The following VPS54 variants were observed in gnomAD, a reference collection of about 807,000 sequenced individuals.
VPS54 encodes the protein vacuolar protein sorting-associated protein 54.
A neutral mutation model predicts 121.5 loss-of-function variants in VPS54; 45 were observed. The observed-to-expected ratio is 0.37, with a 90% confidence interval of 0.29 to 0.47. VPS54 has a LOEUF of 0.47. Ranked by LOEUF, VPS54 falls within the 20% of genes least tolerant of loss-of-function variation. VPS54 has a pLI of 0.99. For synonymous variants in VPS54, 371 were observed against 385.8 expected, an observed-to-expected ratio of 0.96 and a Z score of 0.45; for missense variants, 1,090 against 1,131.4, an observed-to-expected ratio of 0.96 and a Z score of 0.52.
intron 7 of VPS54, among the ~76,000 whole-genome samples, chr2:63,956,870 T>C (rs1361107104): frequency 2.0e-5 from 3 of 152,168 alleles, no homozygotes; most frequent in Admixed American, 6.5e-5. Context: ...TAAGAGTTTC[T>C]ACACAAAGCT....
chr2:63,925,976 C>T lies in VPS54; in HGVS notation c.1740-4641G>A, dbSNP rs186567055. On this transcript the variant is annotated intron_variant, in intron 12 of 22. Transcript: ENST00000272322. ...CATTTTCCCATATGTGCCTTATGTT[C>T]CAAATGGATCATAAAAGGGCTGAGA... Among the ~76,000 whole-genome samples, 177 of 152,204 alleles carry T rather than the reference C, an allele frequency of 1.2e-3. 1 individual carries two copies. Among genetic ancestry groups the T allele is most frequent in the African/African-American group, 3.0e-3 (124 of 41,542 alleles).
intron 1 of VPS54, among the ~76,000 whole-genome samples, chr2:63,987,024 C>G (rs1469096434): frequency 6.6e-6 from 1 of 152,098 alleles, no homozygotes; most frequent in African/African-American, 2.4e-5. Flanking sequence ...TGTGGGATGT[C>G]TCCTCACTTT....
At chr2:63,967,648 G>A (rs1307590335) in intron 5 of VPS54, among the ~76,000 whole-genome samples, 1 of 143,936 alleles carries the variant, frequency 6.9e-6, no homozygotes, top group Non-Finnish European at 1.5e-5. Flanking sequence ...GAACCTGGGA[G>A]GCGGAGGTTG....
intron 1 of VPS54, among the ~76,000 whole-genome samples, chr2:63,989,013 G>A (rs918901573): frequency 3.3e-5 from 5 of 152,150 alleles, no homozygotes; most frequent in Non-Finnish European, 5.9e-5. Flanking sequence ...GGGAAGGGGG[G>A]CCTCTAAAAT....
chr2:63,949,817 G>T (rs1675155726), intron 7 of VPS54, among the ~76,000 whole-genome samples: 1 of 152,088 alleles, frequency 6.6e-6, no homozygotes, highest in African/African-American at 2.4e-5. Context: ...AAAAATGTTT[G>T]TTTCTATATG....
chr2:63,924,943 G>C (rs1251921806), intron 12 of VPS54, among the ~76,000 whole-genome samples: 1 of 152,122 alleles, frequency 6.6e-6, no homozygotes. Flanking sequence ...ATGTGAAAAA[G>C]ACAGTAACAA....
intron 1 of VPS54, among the ~76,000 whole-genome samples, chr2:64,007,210 G>A (rs917566359): frequency 1.3e-5 from 2 of 152,104 alleles, no homozygotes; most frequent in Non-Finnish European, 2.9e-5. Context: ...AAAGAATATT[G>A]GAAAGTGATA....
chr2:63,896,505 AAAG>A (rs1188405144), intron 22 of VPS54, among the ~76,000 whole-genome samples: 1 of 152,214 alleles, frequency 6.6e-6, no homozygotes, highest in Middle Eastern at 3.2e-3. Flanking sequence ...TTAAAAAGAA[AAAG>A]AAGAATCAGA....
At chr2:63,941,491 T>C (rs1674729745) in intron 11 of VPS54, among the ~76,000 whole-genome samples, 2 of 152,206 alleles carry the variant, frequency 1.3e-5, no homozygotes, top group African/African-American at 2.4e-5. Context: ...CCTCCCAAAG[T>C]GATAGGATTA....
intron 12 of VPS54, among the ~76,000 whole-genome samples, chr2:63,931,845 G>C (rs1674219295): frequency 6.6e-6 from 1 of 152,172 alleles, no homozygotes; most frequent in Non-Finnish European, 1.5e-5. Context: ...AGTGGGCAAA[G>C]GATATGAACA....
intron 7 of VPS54, among the ~76,000 whole-genome samples, chr2:63,957,342 T>C (rs1366264177): frequency 6.7e-6 from 1 of 149,406 alleles, no homozygotes; most frequent in East Asian, 2.0e-4. Context: ...CTCAGGAGGC[T>C]GAGGCAGAAG....
chr2:64,015,786 T>C (rs1401623369), intron 1 of VPS54, among the ~76,000 whole-genome samples: 1 of 152,198 alleles, frequency 6.6e-6, no homozygotes, highest in East Asian at 1.9e-4. Flanking sequence ...ATTAATAGTA[T>C]AAGAAGATAT....
At chr2:63,956,462 T>C (rs941139527) in intron 7 of VPS54, among the ~76,000 whole-genome samples, 2 of 152,212 alleles carry the variant, frequency 1.3e-5, no homozygotes, top group African/African-American at 4.8e-5. Context: ...TCCATTAATA[T>C]GGTAGTTCCT....
Position 63,977,868 on chromosome 2 carries a change from C to T in VPS54, c.378+3778G>A, listed in dbSNP as rs1167575646. Among the ~76,000 whole-genome samples the T allele has an allele frequency of 3.9e-5, 6 of 152,314 alleles. No individual in the cohort carries two copies. In the East Asian group the frequency reaches 1.2e-3, roughly 29 times the overall value. On this transcript the variant is annotated intron_variant, in intron 3 of 22. Transcript: ENST00000272322. ...CTGGCTAAGAGTTAGGCTTTATTTA[C>T]TGATTGCTATAGCTGCAGGTGTCAG...
chr2:63,932,188 G>A lies in VPS54; in HGVS notation c.1739+1485C>T, dbSNP rs954441115. On this transcript the variant is annotated intron_variant, in intron 12 of 22. Transcript: ENST00000272322. ...CCCAAAGGATTATAAATGATTCTACGATGAAGACACATGCACACGTATGTT... is the reference window on the plus strand; with the variant it reads ...CCCAAAGGATTATAAATGATTCTACAATGAAGACACATGCACACGTATGTT... Among the ~76,000 whole-genome samples the A allele has an allele frequency of 3.9e-5, 6 of 152,038 alleles. No homozygotes were observed. In the East Asian group the frequency reaches 5.8e-4, roughly 15 times the overall value.
chr2:63,988,271 T>G (rs1483427140), intron 1 of VPS54, among the ~76,000 whole-genome samples: 1 of 152,248 alleles, frequency 6.6e-6, no homozygotes, highest in African/African-American at 2.4e-5. Flanking sequence ...TCAATTGATA[T>G]GTTTTTTCTC....
intron 12 of VPS54, among the ~76,000 whole-genome samples, chr2:63,928,787 T>C (rs909624265): frequency 3.0e-5 from 4 of 134,408 alleles, no homozygotes; most frequent in African/African-American, 5.8e-5. Context: ...AAGACACACA[T>C]AGGCTCAAAA....
chr2:63,948,509 G>A (rs1392669832), intron 8 of VPS54, among the ~76,000 whole-genome samples: 4 of 140,876 alleles, frequency 2.8e-5, no homozygotes, highest in South Asian at 2.3e-4. Flanking sequence ...TGATCCTCTC[G>A]CCTTAGCCAC....
chr2:63,900,243 AAG>A (rs1491055531), intron 20 of VPS54, among the ~76,000 whole-genome samples: 17 of 151,326 alleles, frequency 1.1e-4, no homozygotes, highest in African/African-American at 4.1e-4. Context: ...AAAAAAAAAA[AAG>A]AATGTGTCAG....
Sources: gnomAD v4.1 joint callset for allele counts (sites outside exome capture counted in the v4.1 genomes callset) on GRCh38, gnomAD v4.1.1 for gene constraint, MANE v1.5 for transcripts, NCBI Gene and HGNC (gene_info 2026-07-23, HGNC 2026-07-21) for gene names.